The following MFSD11 variants were observed in gnomAD, a reference collection of about 807,000 sequenced individuals.
MFSD11 encodes UNC93-like protein MFSD11.
Under a neutral mutation model 53.5 loss-of-function variants are expected in MFSD11, and 36 were observed. The ratio of observed to expected loss-of-function variants is 0.67; its 90% CI spans 0.52 to 0.89. MFSD11 has a LOEUF of 0.89. Ranked by LOEUF, MFSD11 falls within the 40% of genes least tolerant of loss-of-function variation. The pLI is 0.00. For synonymous variants in MFSD11, 186 were observed against 184.9 expected (o/e 1.01, Z -0.05); for missense variants, 530 against 543.9 (o/e 0.97, Z 0.25).
intron 7 of MFSD11, among the ~76,000 whole-genome samples, chr17:76,747,270 T>C (rs2078637219): frequency 6.6e-6 from 1 of 151,902 alleles, no homozygotes; most frequent in African/African-American, 2.4e-5. Flanking sequence ...TCCCAGCACT[T>C]TGGGAGGCTG....
At chr17:76,740,537 T>C (rs1400574324) in intron 2 of MFSD11, among the ~76,000 whole-genome samples, 2 of 152,204 alleles carry the variant, frequency 1.3e-5, no homozygotes, top group Non-Finnish European at 2.9e-5. Context: ...CAGTCCTGGC[T>C]CGACATTCAC....
chr17:76,790,837 A>C, the MFSD11 span, among the ~76,000 whole-genome samples: 5 of 145,526 alleles, frequency 3.4e-5, no homozygotes, highest in Non-Finnish European at 7.5e-5. Context: ...GCTCCTCGGG[A>C]GGCTGAGGCA....
chr17:76,740,917 CTTT>C (rs529882256), intron 2 of MFSD11, 37 bp from the exon 3 acceptor site: 2,545 of 890,166 alleles, frequency 2.9e-3, no homozygotes, highest in South Asian at 4.0e-3. Context: ...GGGCTTTGTT[CTTT>C]TTTTTTTTTT....
chr17:76,795,820 ATT>A, the MFSD11 span, among the ~76,000 whole-genome samples: 13 of 140,002 alleles, frequency 9.3e-5, no homozygotes, highest in African/African-American at 1.8e-4. Context: ...CGCCCGGCTA[ATT>A]TTTTTTTTTT....
intron 8 of MFSD11, among the ~76,000 whole-genome samples, chr17:76,761,970 T>A (rs547903759): frequency 6.6e-6 from 1 of 151,958 alleles, no homozygotes; most frequent in South Asian, 2.1e-4. Context: ...ATTTAATCAA[T>A]CTAAAGAATC....
chr17:76,770,849 CCA>C (rs1326497839), intron 10 of MFSD11, among the ~76,000 whole-genome samples: 1 of 152,194 alleles, frequency 6.6e-6, no homozygotes. Flanking sequence ...TTTGGGCTCA[CCA>C]CTCCAGAAGC....
At chr17:76,738,520 C>A (rs1248756955) in intron 1 of MFSD11, 72 bp downstream of exon 1, 4 of 1,052,558 alleles carry the variant, frequency 3.8e-6, no homozygotes, top group South Asian at 1.4e-5. Flanking sequence ...AATAAACGTT[C>A]ATTATATCTA....
intron 8 of MFSD11, among the ~76,000 whole-genome samples, chr17:76,757,054 G>A (rs573229123): frequency 3.2e-4 from 48 of 152,160 alleles, no homozygotes; most frequent in African/African-American, 1.1e-3. Context: ...TGGTGAGATC[G>A]GAGTCGTTAA....
Position 76,775,107 on chromosome 17 carries a change from A to G in MFSD11, c.985A>G (p.Met329Val), listed in dbSNP as rs764387931. 1.2e-6 allele frequency: 2 copies of G among 1,614,076 alleles called. No homozygotes were observed. The highest frequency in any genetic ancestry group is 1.3e-5 in the African/African-American group (1 of 75,036). ...AGCTTTTTATCTAATATTTCTCAAC[A>G]TGCCTGGAGATGCCCCGATTGCTCC... is the stretch of plus-strand genomic sequence containing the variant. ...FIAFYLIFLNMPGDAPIAPVK... is the reference protein window; with the variant it reads ...FIAFYLIFLNVPGDAPIAPVK... The change falls in exon 11 of 13, where the codon ATG becomes GTG. Residue 329 changes from methionine (M) to valine (V), a missense_variant. Transcript: ENST00000685175.
chr17:76,767,259 A>C (rs953499812), intron 8 of MFSD11, 127 bp from the exon 9 acceptor site: 2 of 593,618 alleles, frequency 3.4e-6, no homozygotes, highest in Non-Finnish European at 5.9e-6. Flanking sequence ...TTAATCTGAA[A>C]GTTATATCCC....
chr17:76,783,423 C>G (rs1203143887), downstream of MFSD11, among the ~76,000 whole-genome samples: 1 of 152,152 alleles, frequency 6.6e-6, no homozygotes, highest in East Asian at 1.9e-4. Context: ...TTCTCCCCTC[C>G]CCTCCCGAGT....
intron 12 of MFSD11, among the ~76,000 whole-genome samples, chr17:76,777,914 A>G (rs2081990704): frequency 6.6e-6 from 1 of 152,124 alleles, no homozygotes; most frequent in Non-Finnish European, 1.5e-5. Flanking sequence ...CCTGGGCTCA[A>G]GCATTTCTCC....
the MFSD11 span, among the ~76,000 whole-genome samples, chr17:76,787,662 T>G: frequency 2.7e-5 from 4 of 149,750 alleles, no homozygotes; most frequent in East Asian, 7.8e-4. Context: ...TAATCAGCAG[T>G]GAAATGATTG....
the MFSD11 span, among the ~76,000 whole-genome samples, chr17:76,801,961 G>A: frequency 2.0e-5 from 3 of 151,974 alleles, no homozygotes; most frequent in Non-Finnish European, 4.4e-5. Flanking sequence ...AGATAGAGTC[G>A]CTCTGGTTTC....
chr17:76,758,565 G>A (rs2079879823), intron 8 of MFSD11, among the ~76,000 whole-genome samples: 1 of 131,864 alleles, frequency 7.6e-6, no homozygotes, highest in Non-Finnish European at 1.5e-5. Context: ...CATGGGCACA[G>A]AGCGAGACCA....
chr17:76,762,802 G>A (rs181163288), intron 8 of MFSD11, among the ~76,000 whole-genome samples: 28 of 152,050 alleles, frequency 1.8e-4, no homozygotes, highest in Middle Eastern at 3.4e-3. Flanking sequence ...ATTAAGCACC[G>A]GCGGGAAATC....
rs201296616 is a variant in MFSD11, at chr17:76,738,952, G to A, written c.111G>A (p.Arg37=). The A allele has an allele frequency of 1.1e-3, 1,748 of 1,613,976 alleles. 4 individuals carry two copies. The highest frequency in any genetic ancestry group is 1.4e-3 in the Non-Finnish European group (1,601 of 1,179,852). ...TCGNVAQTVI[R]SLNRTDFHGS... ...CTTCCACACAGCAAACTGTCATCAG[G>A]AGCTTAAATAGGACAGATTTTCACG... The change falls in exon 2 of 13, where the codon AGG becomes AGA. Residue 37 remains arginine (R), a synonymous_variant. Transcript: ENST00000685175.
chr17:76,775,685 G>A (rs902637841), intron 11 of MFSD11, among the ~76,000 whole-genome samples: 1 of 152,128 alleles, frequency 6.6e-6, no homozygotes, highest in African/African-American at 2.4e-5. Flanking sequence ...TGAGTATATC[G>A]CATCTGAAAA....
intron 8 of MFSD11, among the ~76,000 whole-genome samples, chr17:76,765,155 G>A (rs533812022): frequency 1.3e-5 from 2 of 152,196 alleles, no homozygotes; most frequent in African/African-American, 4.8e-5. Flanking sequence ...ATTTAGGTCT[G>A]TGATTCATTT....
Sources: gnomAD v4.1 joint callset for allele counts (sites outside exome capture counted in the v4.1 genomes callset) on GRCh38, gnomAD v4.1.1 for gene constraint, MANE v1.5 for transcripts, NCBI Gene and HGNC (gene_info 2026-07-23, HGNC 2026-07-21) for gene names.